The following RAF1 variants were observed in gnomAD, a reference collection of about 807,000 sequenced individuals.
RAF1 encodes Raf-1 proto-oncogene, serine/threonine kinase.
RAF1 carries 27 observed loss-of-function variants against 81.1 expected under a neutral mutation model. The observed-to-expected ratio is 0.33, with a 90% CI of 0.25 to 0.46. RAF1 has a LOEUF of 0.46. Ranked by LOEUF, RAF1 falls within the 20% of genes least tolerant of loss-of-function variation. RAF1 has a pLI of 1.00. For missense variants in RAF1, 598 were observed against 826.0 expected (o/e 0.72, Z 3.38); for synonymous variants, 298 against 294.0 (o/e 1.01, Z -0.14).
chr3:12,592,761 A>T (rs2058559896), intron 11 of RAF1, among the ~76,000 whole-genome samples: 1 of 133,792 alleles, frequency 7.5e-6, no homozygotes, highest in African/African-American at 2.9e-5. Context: ...TTTGAGACAG[A>T]GTCTCGCTCA....
intron 1 of RAF1, among the ~76,000 whole-genome samples, chr3:12,620,122 T>G (rs1007379576): frequency 1.3e-5 from 2 of 152,170 alleles, no homozygotes; most frequent in Non-Finnish European, 2.9e-5. Context: ...TTAATTTGTG[T>G]AAGAACCCCA....
rs112636323 is a variant in RAF1, at chr3:12,621,640, G to C, written c.-26-2893C>G. Among the ~76,000 whole-genome samples, 545 of 152,268 alleles carry C rather than the reference G, an allele frequency of 3.6e-3. 2 individuals carry two copies. The highest frequency in any genetic ancestry group is 6.8e-3 in the Middle Eastern group (2 of 294). On this transcript the variant is annotated intron_variant, in intron 1 of 17. Transcript: ENST00000442415. ...TACTCCAGAAATTTGTCCTACAGAA[G>C]CCTAAGACAAGTGTATAAAAACATG...
chr3:12,609,913 C>T (rs907964796), intron 3 of RAF1, among the ~76,000 whole-genome samples: 11 of 152,170 alleles, frequency 7.2e-5, no homozygotes, highest in Non-Finnish European at 1.2e-4. Flanking sequence ...AATATTGCTG[C>T]AGTACAAAAT....
chr3:12,586,540 C>T (rs1167338868), intron 14 of RAF1, among the ~76,000 whole-genome samples: 4 of 152,178 alleles, frequency 2.6e-5, no homozygotes, highest in Admixed American at 1.3e-4. Context: ...CTGCTAAAAA[C>T]CCCACCACTG....
intron 15 of RAF1, 143 bp from the exon 15 acceptor site, chr3:12,585,396 C>A: frequency 1.3e-6 from 2 of 1,535,076 alleles, no homozygotes; most frequent in Admixed American, 3.9e-5. Context: ...CAAAGGACTC[C>A]AACTCAGGCA....
At chr3:12,663,062 T>C (rs1407577634) in intron 1 of RAF1, among the ~76,000 whole-genome samples, 1 of 152,040 alleles carries the variant, frequency 6.6e-6, no homozygotes, top group African/African-American at 2.4e-5. Flanking sequence ...CCCAGAGCCC[T>C]AGAACGAGAA....
chr3:12,663,256 C>A (rs1164824581), intron 1 of RAF1, among the ~76,000 whole-genome samples: 2 of 152,166 alleles, frequency 1.3e-5, no homozygotes, highest in Non-Finnish European at 1.5e-5. Context: ...TATAAGTATC[C>A]CAAACCTTTC....
intron 11 of RAF1, among the ~76,000 whole-genome samples, chr3:12,596,277 C>A (rs140226673): frequency 3.8e-4 from 58 of 151,206 alleles, no homozygotes; most frequent in African/African-American, 1.4e-3. Flanking sequence ...TCACTGCAAC[C>A]TCGCCTCCTG....
chr3:12,645,769 C>T (rs1183795912), intron 1 of RAF1, among the ~76,000 whole-genome samples: 1 of 151,966 alleles, frequency 6.6e-6, no homozygotes, highest in Middle Eastern at 3.2e-3. Context: ...AGGGGGGTGT[C>T]TCACTATGTT....
In RAF1 at chr3:12,599,749, C is replaced by A. The variant is rs368860450; in HGVS notation, c.1110G>T (p.Met370Ile). The A allele has an allele frequency of 3.5e-5, 56 of 1,614,062 alleles. No individual in the cohort carries two copies. Among genetic ancestry groups the A allele is most frequent in the Non-Finnish European group, 4.6e-5 (54 of 1,180,054 alleles). ...AGCCTGACCCAATCCGAGTGGACAGCATCACTTCACTGGCTTCTATTTCCC... is the reference window on the plus strand; with the variant it reads ...AGCCTGACCCAATCCGAGTGGACAGAATCACTTCACTGGCTTCTATTTCCC... The change falls in exon 11 of 18, where the codon ATG becomes ATT. Residue 370 changes from methionine to isoleucine, a missense_variant. Coordinates refer to ENST00000442415, the MANE Select transcript of RAF1 (RefSeq NM_001354689.3).
intron 10 of RAF1, 55 bp downstream of exon 9, chr3:12,600,097 C>A: frequency 6.2e-7 from 1 of 1,610,216 alleles, no homozygotes; most frequent in Non-Finnish European, 8.5e-7. Flanking sequence ...TAATTTCCAA[C>A]GAGGTTTTTC....
In RAF1 at chr3:12,655,874, A is replaced by T. The variant is rs565703932; in HGVS notation, c.-27+7939T>A. Among the ~76,000 whole-genome samples the T allele has an allele frequency of 6.0e-4, 91 of 152,060 alleles. 1 individual carries two copies. The highest frequency in any genetic ancestry group is 1.6e-4 in the Non-Finnish European group (11 of 68,004). On this transcript the variant is annotated intron_variant, in intron 1 of 17. Coordinates refer to ENST00000442415, the MANE Select transcript of RAF1 (RefSeq NM_001354689.3). ...TACATGAGGTACCTGGAATAGGCAA[A>T]TTCATAGAGAGAAAGTAGAATAGGG... is the stretch of plus-strand genomic sequence containing the variant.
At chr3:12,594,392 G>A (rs985026462) in intron 11 of RAF1, among the ~76,000 whole-genome samples, 11 of 152,168 alleles carry the variant, frequency 7.2e-5, no homozygotes, top group African/African-American at 2.7e-4. Flanking sequence ...TGATCGCTCA[G>A]GGGGAACTGC....
intron 11 of RAF1, among the ~76,000 whole-genome samples, chr3:12,596,194 CT>C (rs10575214): frequency 0.52 from 61,287 of 116,786 alleles, 15,557 homozygotes; most frequent in East Asian, 0.85. Context: ...ATTTTTCTTT[CT>C]TTTTTTTTTT....
intron 1 of RAF1, among the ~76,000 whole-genome samples, chr3:12,640,212 T>G (rs551295533): frequency 6.6e-6 from 1 of 152,258 alleles, no homozygotes; most frequent in African/African-American, 2.4e-5. Context: ...TATACAAAAA[T>G]TAATTTAAGA....
intron 1 of RAF1, among the ~76,000 whole-genome samples, chr3:12,637,248 C>T (rs1575639370): frequency 6.6e-6 from 1 of 152,122 alleles, no homozygotes; most frequent in African/African-American, 2.4e-5. Context: ...AATCTTTCAA[C>T]TTCTGAGAAC....
intron 1 of RAF1, among the ~76,000 whole-genome samples, chr3:12,649,915 G>C (rs866174020): frequency 1.3e-5 from 2 of 152,088 alleles, no homozygotes; most frequent in South Asian, 4.2e-4. Context: ...GGGAGGCCGA[G>C]GCAGGCAGAT....
At chr3:12,596,903 C>T (rs891494945) in intron 11 of RAF1, among the ~76,000 whole-genome samples, 1 of 146,664 alleles carries the variant, frequency 6.8e-6, no homozygotes, top group African/African-American at 2.5e-5. Flanking sequence ...AACCTAGAAT[C>T]TTTTTTTTTT....
At chr3:12,593,617 T>G (rs1244335676) in intron 11 of RAF1, among the ~76,000 whole-genome samples, 2 of 152,086 alleles carry the variant, frequency 1.3e-5, no homozygotes, top group Admixed American at 1.3e-4. Flanking sequence ...TGGAGCTACC[T>G]TCTATCTAGA....
Sources: allele counts gnomAD v4.1 joint callset (sites outside exome capture counted in the v4.1 genomes callset), GRCh38; gene constraint gnomAD v4.1.1; transcripts MANE v1.5; gene names NCBI Gene and HGNC (gene_info 2026-07-23, HGNC 2026-07-21).